CHM: variants seen among roughly 807,000 people sequenced by gnomAD.
CHM encodes CHM Rab escort protein, also known as rab proteins geranylgeranyltransferase component A 1.
A neutral mutation model predicts 49.0 loss-of-function variants in CHM; 10 were observed. The ratio of observed to expected loss-of-function variants is 0.20; its 90% CI spans 0.13 to 0.35. The LOEUF (loss-of-function observed/expected upper bound fraction) is 0.35, where lower values mean the gene tolerates loss of function less well. CHM is among the 10% of genes least tolerant of loss of function. The pLI, the probability that CHM is intolerant of heterozygous loss-of-function variation, is 1.00. For missense variants in CHM, 455 were observed against 478.4 expected, an observed-to-expected ratio of 0.95 and a Z score of 0.46; for synonymous variants, 184 against 167.5, an observed-to-expected ratio of 1.10 and a Z score of -0.76.
chrX:86,015,992 G>C (rs1259603458), intron 2 of CHM, among the ~76,000 whole-genome samples: 1 of 110,696 alleles, frequency 9.0e-6, no homozygotes, highest in African/African-American at 3.3e-5. Flanking sequence ...AATTGGCCAG[G>C]CATGGTGGCG....
At chrX:85,869,352 T>C (rs2148116286) in intron 14 of CHM, among the ~76,000 whole-genome samples, 1 of 111,385 alleles carries the variant, frequency 9.0e-6, no homozygotes, top group East Asian at 2.8e-4. Flanking sequence ...TTCTTTTACT[T>C]CTTCTATGCT....
In CHM at chrX:85,913,147, C is replaced by T. The variant is rs753020792; in HGVS notation, c.1167-1809G>A. Reference sequence around the variant, plus strand: ...CGAGACCAGCCCGGTGAAACCTTGTCTCTACTAAAAATACAAAAATTAGCT... The same window carrying T: ...CGAGACCAGCCCGGTGAAACCTTGTTTCTACTAAAAATACAAAAATTAGCT... On this transcript the variant is annotated intron_variant, in intron 8 of 14. Transcript: ENST00000357749. Among the ~76,000 whole-genome samples, 650 of 91,797 alleles carry T rather than the reference C, an allele frequency of 7.1e-3. 4 individuals carry two copies. Among genetic ancestry groups the T allele is most frequent in the African/African-American group, 0.024 (595 of 24,572 alleles). The allele number at this position is 91,797 out of a possible 115,157, so 79.7% of individuals were successfully genotyped here. A position where few individuals can be genotyped will look rare whatever the true frequency, so the allele number is the denominator to read the frequency against.
chrX:85,959,227 G>C (rs1930166839), intron 5 of CHM, among the ~76,000 whole-genome samples: 1 of 111,384 alleles, frequency 9.0e-6, no homozygotes, highest in Admixed American at 9.6e-5. Flanking sequence ...ATACTGATAA[G>C]GCACTCTGGC....
At chrX:85,952,917 G>T (rs1303921297) in intron 8 of CHM, among the ~76,000 whole-genome samples, 3 of 112,660 alleles carry the variant, frequency 2.7e-5, no homozygotes, top group Admixed American at 9.3e-5. Flanking sequence ...GAACATCAGG[G>T]GTGGCCTGGC....
At chrX:86,041,092 G>A (rs1934440739) in intron 1 of CHM, among the ~76,000 whole-genome samples, 1 of 111,567 alleles carries the variant, frequency 9.0e-6, no homozygotes, top group South Asian at 3.8e-4. Context: ...ATGTAATGGT[G>A]GGCTGCCATA....
At chrX:85,896,865 TATA>T (rs1411119878) in intron 11 of CHM, among the ~76,000 whole-genome samples, 3 of 99,964 alleles carry the variant, frequency 3.0e-5, no homozygotes, top group Non-Finnish European at 3.9e-5. Flanking sequence ...ATATATAGTA[TATA>T]ATATGTATTA....
chrX:85,950,173 T>A (rs1291083788), intron 8 of CHM, among the ~76,000 whole-genome samples: 1 of 100,375 alleles, frequency 1.0e-5, no homozygotes, highest in Non-Finnish European at 2.0e-5. Context: ...TTAAAATCAA[T>A]CAAATATAAA....
chrX:86,010,121 G>T (rs909895776), intron 2 of CHM, among the ~76,000 whole-genome samples: 1 of 99,804 alleles, frequency 1.0e-5, no homozygotes, highest in African/African-American at 3.7e-5. Flanking sequence ...TCACTCATAA[G>T]TGGGAGTTGA....
chrX:86,026,102 CTTTTTTTTTTTTTTTTTTTTT>C (rs1167691945), intron 2 of CHM, among the ~76,000 whole-genome samples: 399 of 26,766 alleles, frequency 0.015, 8 homozygotes, highest in African/African-American at 0.04. Flanking sequence ...AGCAGATTTT[CTTTTTTTTTTTTTTTTTTTTT>C]TTTTTTTTTT....
At chrX:85,932,144 G>A (rs1267482662) in intron 8 of CHM, among the ~76,000 whole-genome samples, 4 of 111,960 alleles carry the variant, frequency 3.6e-5, no homozygotes, top group Admixed American at 2.8e-4. Flanking sequence ...GGAGCAAACT[G>A]CACAGAAGCT....
At chrX:85,989,985 T>C (rs1932102227) in intron 2 of CHM, among the ~76,000 whole-genome samples, 1 of 112,142 alleles carries the variant, frequency 8.9e-6, no homozygotes, top group East Asian at 2.8e-4. Flanking sequence ...ATCCCAGTAG[T>C]GGGTATATAC....
At chrX:85,903,446 C>T (rs767858711) in intron 9 of CHM, among the ~76,000 whole-genome samples, 25 of 110,645 alleles carry the variant, frequency 2.3e-4, no homozygotes, top group Admixed American at 1.7e-3. Flanking sequence ...GGTAGCCATA[C>T]CTTTGGTGAC....
chrX:86,040,410 T>C (rs768342375), intron 1 of CHM, among the ~76,000 whole-genome samples: 4 of 112,470 alleles, frequency 3.6e-5, no homozygotes, highest in Non-Finnish European at 7.5e-5. Context: ...CCAGCACTCA[T>C]GTATTCCAGT....
At chrX:85,871,916 C>A (rs2148119158) in intron 14 of CHM, among the ~76,000 whole-genome samples, 1 of 112,112 alleles carries the variant, frequency 8.9e-6, no homozygotes, top group Non-Finnish European at 1.9e-5. Flanking sequence ...GTAAAAATGA[C>A]TTGATCATTT....
rs1270955440 is a variant in CHM at position 85,861,592 on chromosome X, C to A, written c.*3038G>T. The A allele has an allele frequency of 9.0e-6, 1 of 111,526 alleles. No individual in the cohort carries two copies. The highest frequency in any genetic ancestry group is 1.9e-5 in the Non-Finnish European group (1 of 53,080). The allele number at this position is 111,526 out of a possible 1,213,427, so 9.2% of individuals were successfully genotyped here. A position where few individuals can be genotyped will look rare whatever the true frequency, so the allele number is the denominator to read the frequency against. ...ACAAATAAATATGGGAGATAGGGAA[C>A]TTGTTACTCCATTTTCCTATAGAAA... is the stretch of plus-strand genomic sequence containing the variant. On this transcript the variant is annotated 3_prime_UTR_variant, in exon 15 of 15. Transcript: ENST00000357749.
At chrX:86,014,156 G>A (rs1933193783) in intron 2 of CHM, among the ~76,000 whole-genome samples, 1 of 111,841 alleles carries the variant, frequency 8.9e-6, no homozygotes, top group Non-Finnish European at 1.9e-5. Flanking sequence ...GACAAGAAAT[G>A]GGAAAGAGAT....
At chrX:86,023,366 A>G (rs1236703793) in intron 2 of CHM, among the ~76,000 whole-genome samples, 1 of 110,590 alleles carries the variant, frequency 9.0e-6, no homozygotes. Context: ...ATCTTTGTAC[A>G]TGTTGCTCCA....
chrX:86,030,882 A>G (rs1934012830), intron 1 of CHM, among the ~76,000 whole-genome samples: 1 of 111,612 alleles, frequency 9.0e-6, no homozygotes, highest in African/African-American at 3.3e-5. Flanking sequence ...CACTTAGCAT[A>G]AAGTTTTCAA....
At chrX:85,997,249 TC>T (rs1320522659) in intron 2 of CHM, among the ~76,000 whole-genome samples, 3 of 111,314 alleles carry the variant, frequency 2.7e-5, no homozygotes, top group Non-Finnish European at 5.7e-5. Flanking sequence ...TTAGTAGTAC[TC>T]CCCTTTTGCC....
Sources: gnomAD v4.1 joint callset for allele counts (sites outside exome capture counted in the v4.1 genomes callset) on GRCh38, gnomAD v4.1.1 for gene constraint, MANE v1.5 for transcripts, NCBI Gene and HGNC (gene_info 2026-07-23, HGNC 2026-07-21) for gene names.